The following STX8 variants were observed in gnomAD, a reference collection of about 807,000 sequenced individuals.
STX8 encodes the protein syntaxin-8.
STX8 carries 23 observed loss-of-function variants against 37.5 expected under a neutral mutation model. The ratio of observed to expected loss-of-function variants is 0.61; its 90% confidence interval spans 0.44 to 0.87. The LOEUF (loss-of-function observed/expected upper bound fraction) is 0.87, where lower values mean the gene tolerates loss of function less well. Among genes scored for constraint, STX8 ranks in the 40% least tolerant of loss-of-function variants. The pLI is 0.00. For missense variants in STX8, 313 were observed against 284.7 expected (o/e 1.10, Z -0.71); for synonymous variants, 115 against 99.1 (o/e 1.16, Z -0.95).
intron 6 of STX8, among the ~76,000 whole-genome samples, chr17:9,383,683 C>A (rs1365723158): frequency 6.6e-6 from 1 of 152,098 alleles, no homozygotes; most frequent in Non-Finnish European, 1.5e-5. Flanking sequence ...TGTAAAGGTG[C>A]ATTTGCAGAT....
intron 6 of STX8, among the ~76,000 whole-genome samples, chr17:9,470,926 G>C (rs1183398569): frequency 6.6e-6 from 1 of 150,902 alleles, no homozygotes; most frequent in Admixed American, 6.6e-5. Context: ...GTAGAGATGG[G>C]GTTTCACTGT....
At chr17:9,253,604 A>T (rs995294073) in intron 7 of STX8, among the ~76,000 whole-genome samples, 2 of 152,102 alleles carry the variant, frequency 1.3e-5, no homozygotes, top group Admixed American at 1.3e-4. Context: ...GGCTCACCCT[A>T]AGATGACAGG....
intron 6 of STX8, among the ~76,000 whole-genome samples, chr17:9,466,564 T>G (rs1905622543): frequency 6.6e-6 from 1 of 152,212 alleles, no homozygotes; most frequent in Non-Finnish European, 1.5e-5. Context: ...CTCTTCAGAA[T>G]CCATACAAAC....
At chr17:9,451,339 G>C (rs1905033437) in intron 6 of STX8, among the ~76,000 whole-genome samples, 1 of 152,092 alleles carries the variant, frequency 6.6e-6, no homozygotes, top group Non-Finnish European at 1.5e-5. Context: ...CTAAGTGTGT[G>C]ATCTACGGCG....
intron 6 of STX8, among the ~76,000 whole-genome samples, chr17:9,473,005 C>T (rs1409930150): frequency 6.6e-6 from 1 of 151,978 alleles, no homozygotes; most frequent in African/African-American, 2.4e-5. Flanking sequence ...GCAGCAAAGT[C>T]ATAGGACAAA....
intron 2 of STX8, among the ~76,000 whole-genome samples, chr17:9,562,007 A>C (rs1016084620): frequency 2.0e-5 from 3 of 152,272 alleles, no homozygotes; most frequent in African/African-American, 7.2e-5. Context: ...TATTTAATAG[A>C]AGAAAGCAGG....
At chr17:9,389,155 T>A (rs1912118950) in intron 6 of STX8, among the ~76,000 whole-genome samples, 1 of 152,252 alleles carries the variant, frequency 6.6e-6, no homozygotes, top group South Asian at 2.1e-4. Flanking sequence ...ACTGCCACTG[T>A]TGGTTTGATG....
At chr17:9,479,507 C>A (rs774170411) in intron 6 of STX8, among the ~76,000 whole-genome samples, 26 of 150,448 alleles carry the variant, frequency 1.7e-4, no homozygotes, top group Non-Finnish European at 3.2e-4. Context: ...GCACTCCAGC[C>A]TGGGAATACA....
chr17:9,548,937 T>G (rs1473892267), intron 3 of STX8, among the ~76,000 whole-genome samples: 1 of 152,208 alleles, frequency 6.6e-6, no homozygotes, highest in Non-Finnish European at 1.5e-5. Flanking sequence ...GAGACTGATG[T>G]TTCACTGAAT....
intron 2 of STX8, among the ~76,000 whole-genome samples, chr17:9,567,443 G>A (rs1597748741): frequency 6.6e-6 from 1 of 152,248 alleles, no homozygotes; most frequent in East Asian, 1.9e-4. Context: ...TCTGTAAACT[G>A]TAAAATAGAC....
intron 6 of STX8, among the ~76,000 whole-genome samples, chr17:9,416,993 C>T (rs1156939872): frequency 3.3e-5 from 5 of 152,156 alleles, no homozygotes; most frequent in African/African-American, 7.2e-5. Context: ...CATGACTCAG[C>T]GGGTCCTGTG....
intron 7 of STX8, among the ~76,000 whole-genome samples, chr17:9,367,932 A>G (rs1403082025): frequency 6.6e-6 from 1 of 152,112 alleles, no homozygotes; most frequent in Non-Finnish European, 1.5e-5. Flanking sequence ...GGTTTTTGCC[A>G]TGTTGGTCAG....
chr17:9,376,051 C>T (rs146224265), intron 7 of STX8, among the ~76,000 whole-genome samples: 29 of 152,192 alleles, frequency 1.9e-4, no homozygotes, highest in African/African-American at 5.1e-4. Flanking sequence ...CCAAATTCTC[C>T]GCTTTCTTAT....
intron 6 of STX8, among the ~76,000 whole-genome samples, chr17:9,489,037 C>A (rs764838560): frequency 3.9e-5 from 6 of 152,040 alleles, no homozygotes; most frequent in African/African-American, 1.2e-4. Flanking sequence ...CCACCACGCC[C>A]GGCTAATTTT....
intron 3 of STX8, among the ~76,000 whole-genome samples, chr17:9,556,075 T>C (rs1906953929): frequency 6.6e-6 from 1 of 152,188 alleles, no homozygotes; most frequent in Non-Finnish European, 1.5e-5. Context: ...GCTGTAATTG[T>C]TTGAAATTAA....
rs766942480 is a variant in STX8, at chr17:9,390,832, G to C, written c.542-12179C>G. ...AGCCTGGGCGACAGAGCGAGACTCC[G>C]TCTCAAAAAAAAAAAAAAAAAAAGA... On this transcript the variant is annotated intron_variant, in intron 6 of 7. Coordinates refer to ENST00000306357, the MANE Select transcript of STX8 (RefSeq NM_004853.3). Among the ~76,000 whole-genome samples, 127 of 90,652 alleles carry C rather than the reference G, an allele frequency of 1.4e-3. No homozygotes were observed. In the East Asian group the frequency reaches 0.017, roughly 12 times the overall value. 59.5% of individuals were successfully genotyped at this position (90,652 alleles called of 152,430 possible). A position where few individuals can be genotyped will look rare whatever the true frequency, so the allele number is the denominator to read the frequency against.
intron 7 of STX8, among the ~76,000 whole-genome samples, chr17:9,312,359 G>A (rs544360976): frequency 6.2e-4 from 94 of 151,904 alleles, no homozygotes; most frequent in Non-Finnish European, 1.2e-4. Context: ...GCGCCACCAC[G>A]CCCAGCTAAT....
At position 9,460,678 on chromosome 17, in the gene STX8, A is replaced by AAC. The variant is rs1221231331; in HGVS notation, c.541+31150_541+31151insGT. On this transcript the variant is annotated intron_variant, in intron 6 of 7. Coordinates refer to ENST00000306357, the MANE Select transcript of STX8 (RefSeq NM_004853.3). ...ACAAGAGTGAGACTCTGTCTCAAAA[A>AAC]AAAAAAAAAACAAAACAAAACTACT... Among the ~76,000 whole-genome samples the AAC allele has an allele frequency of 1.6e-3, 233 of 148,364 alleles. 5 individuals carry two copies. Among genetic ancestry groups the AAC allele is most frequent in the African/African-American group, 5.7e-3 (221 of 38,634 alleles).
intron 6 of STX8, among the ~76,000 whole-genome samples, chr17:9,437,282 CTT>C (rs1904470009): frequency 6.6e-6 from 1 of 152,196 alleles, no homozygotes; most frequent in Non-Finnish European, 1.5e-5. Flanking sequence ...TTCTTTCTCT[CTT>C]TTCTTTCCCC....
Sources: allele counts gnomAD v4.1 joint callset (sites outside exome capture counted in the v4.1 genomes callset), GRCh38; gene constraint gnomAD v4.1.1; transcripts MANE v1.5; gene names NCBI Gene and HGNC (gene_info 2026-07-23, HGNC 2026-07-21).